PCGF3: variants seen among roughly 807,000 people sequenced by gnomAD.
The protein encoded by PCGF3 is polycomb group ring finger 3, also known as polycomb group RING finger protein 3.
PCGF3 carries 7 observed loss-of-function variants against 33.1 expected under a neutral mutation model. The ratio of observed to expected loss-of-function variants is 0.21; its 90% confidence interval spans 0.12 to 0.40. PCGF3 has a LOEUF of 0.40. PCGF3 is among the 10% of genes least tolerant of loss of function. The pLI is 1.00. For synonymous variants in PCGF3, 153 were observed against 121.3 expected, an observed-to-expected ratio of 1.26 and a Z score of -1.72; for missense variants, 211 against 313.3, an observed-to-expected ratio of 0.67 and a Z score of 2.46.
At chr4:737,422 A>G (rs950920559) in intron 5 of PCGF3, 44 bp from the exon 6 acceptor site, 3 of 1,273,564 alleles carry the variant, frequency 2.4e-6, no homozygotes, top group Middle Eastern at 1.9e-4. Flanking sequence ...AGAATTATAG[A>G]ATTAACATTT....
chr4:762,013 CAGCGCCAGGAGTTGCAGGAGAGGCG>C, intron 9 of PCGF3: 1 of 985,290 alleles, frequency 1.0e-6, no homozygotes, highest in Non-Finnish European at 1.2e-6. Flanking sequence ...CAGGAGAGGC[CAGCGCCAGGAGTTGCAGGAGAGGCG>C]GACTGTGGTG....
chr4:719,316 C>A (rs1406424755), intron 1 of PCGF3, among the ~76,000 whole-genome samples: 1 of 152,164 alleles, frequency 6.6e-6, no homozygotes, highest in Non-Finnish European at 1.5e-5. Context: ...ATGTAAAGTT[C>A]CGTTTTCCTC....
chr4:706,582 G>T (rs1166094404), intron 1 of PCGF3, among the ~76,000 whole-genome samples: 2 of 140,452 alleles, frequency 1.4e-5, no homozygotes, highest in Non-Finnish European at 3.1e-5. Context: ...GCAGGACCGC[G>T]GGAGGGCAGG....
At chr4:737,413 G>A in intron 5 of PCGF3, 53 bp from the exon 6 acceptor site, 1 of 1,172,902 alleles carries the variant, frequency 8.5e-7, no homozygotes, top group Non-Finnish European at 1.3e-6. Context: ...AAGTGTACAA[G>A]AATTATAGAA....
chr4:716,120 G>GC (rs1742822718), intron 1 of PCGF3, among the ~76,000 whole-genome samples: 1 of 130,068 alleles, frequency 7.7e-6, no homozygotes, highest in Non-Finnish European at 1.7e-5. Flanking sequence ...CTGAGGGTGA[G>GC]AACTGGGTGT....
Position 720,779 on chromosome 4 carries a change from C to T in PCGF3, c.-189-9851C>T, listed in dbSNP as rs1743046384. The stretch of plus-strand genomic sequence containing the variant: ...GCCCCGACGTGAATGGATGTGGTTC[C>T]GACGTGACTGCGCTGGCATGGGAAG... On this transcript the variant is annotated intron_variant, in intron 1 of 10. Coordinates refer to ENST00000362003, the Ensembl canonical transcript of PCGF3. The surrounding 1 kb of genome is among the most constrained non-coding windows in gnomAD (Gnocchi z 5.6). Among the ~76,000 whole-genome samples, 1 of 152,000 alleles carries T rather than the reference C, an allele frequency of 6.6e-6. No individual in the cohort carries two copies. Among genetic ancestry groups the T allele is most frequent in the South Asian group, 2.1e-4 (1 of 4,830 alleles).
intron 1 of PCGF3, among the ~76,000 whole-genome samples, chr4:727,366 G>A (rs555869757): frequency 6.1e-5 from 9 of 148,476 alleles, no homozygotes; most frequent in Admixed American, 5.5e-4. Flanking sequence ...TCAGCCTCTC[G>A]AACAGCTGGG....
In PCGF3 at chr4:721,543, G is replaced by A. The variant is rs566155027; in HGVS notation, c.-189-9087G>A. 2.8e-4 allele frequency among the ~76,000 whole-genome samples: 42 copies of A among 152,162 alleles called. No homozygotes were observed. Among genetic ancestry groups the A allele is most frequent in the Non-Finnish European group, 5.3e-4 (36 of 67,974 alleles). The stretch of plus-strand genomic sequence containing the variant: ...GTCGGTGCCTTAGGAGGCTGCGGGC[G>A]AGGCGAGGGCAGAGTGCACTCGCTG... On this transcript the variant is annotated intron_variant, in intron 1 of 10. Coordinates refer to ENST00000362003, the Ensembl canonical transcript of PCGF3. This position sits in a 1 kb window ranked among gnomAD's most constrained non-coding sequence, Gnocchi z 4.1.
At chr4:761,034 A>T (rs1745026707) in intron 8 of PCGF3, among the ~76,000 whole-genome samples, 1 of 152,226 alleles carries the variant, frequency 6.6e-6, no homozygotes, top group Non-Finnish European at 1.5e-5. Context: ...CTCAACTATT[A>T]TGTTAATAAC....
exon 11 of PCGF3, chr4:766,939 T>G (rs912426584): frequency 5.9e-5 from 9 of 152,284 alleles, no homozygotes; most frequent in Non-Finnish European, 1.0e-4. Context: ...TCTTTCCCTG[T>G]TTTGATTTTG....
At chr4:719,239 C>T (rs1002379421) in intron 1 of PCGF3, among the ~76,000 whole-genome samples, 4 of 152,210 alleles carry the variant, frequency 2.6e-5, no homozygotes, top group Non-Finnish European at 5.9e-5. Flanking sequence ...AGGTGTGAGC[C>T]ACCTCACCCG....
chr4:713,053 C>T (rs1472523064), intron 1 of PCGF3, among the ~76,000 whole-genome samples: 1 of 138,992 alleles, frequency 7.2e-6, no homozygotes, highest in Non-Finnish European at 1.5e-5. Context: ...CTGTGGGGGG[C>T]TGTGTACCTC....
chr4:734,151 T>G, intron 4 of PCGF3: 1 of 1,550,296 alleles, frequency 6.5e-7, no homozygotes. Context: ...CAGTGTGTTC[T>G]TCACACCTGA....
intron 8 of PCGF3, among the ~76,000 whole-genome samples, chr4:748,340 C>T (rs1577428587): frequency 6.6e-6 from 1 of 152,078 alleles, no homozygotes; most frequent in Non-Finnish European, 1.5e-5. Flanking sequence ...GCTGGGACTA[C>T]AGGCACCTGC....
At chr4:739,294 G>A (rs549126797) in intron 6 of PCGF3, among the ~76,000 whole-genome samples, 1 of 152,152 alleles carries the variant, frequency 6.6e-6, no homozygotes, top group East Asian at 1.9e-4. Flanking sequence ...TCAACCTCCC[G>A]GGCTCCAGTG....
At chr4:729,347 C>T (rs193239338) in intron 1 of PCGF3, among the ~76,000 whole-genome samples, 33 of 150,022 alleles carry the variant, frequency 2.2e-4, no homozygotes, top group Non-Finnish European at 4.0e-4. Context: ...CCCAGGAGGT[C>T]AAGGCTGTAG....
chr4:708,578 TC>T (rs1419708199), intron 1 of PCGF3, among the ~76,000 whole-genome samples: 1 of 152,118 alleles, frequency 6.6e-6, no homozygotes, highest in African/African-American at 2.4e-5. Flanking sequence ...TTCCAGGAGC[TC>T]CCAGCCCACA....
intron 1 of PCGF3, among the ~76,000 whole-genome samples, chr4:711,443 CTTTTTTTTTTCTTT>C (rs1193235222): frequency 3.3e-5 from 4 of 122,944 alleles, no homozygotes; most frequent in South Asian, 5.8e-4. Context: ...TGTAATTTTT[CTTTTTTTTTTCTTT>C]TTTTTTTTTT....
chr4:730,241 G>A (rs570333233), intron 1 of PCGF3, among the ~76,000 whole-genome samples: 3 of 152,284 alleles, frequency 2.0e-5, no homozygotes, highest in South Asian at 2.1e-4. Context: ...GGAGCCAGCC[G>A]TCACTGCCTT....
Sources: allele counts gnomAD v4.1 joint callset (sites outside exome capture counted in the v4.1 genomes callset), GRCh38; gene constraint gnomAD v4.1.1; non-coding constraint Gnocchi (gnomAD v3.1); transcripts MANE v1.5; gene names NCBI Gene and HGNC (gene_info 2026-07-23, HGNC 2026-07-21).